DAPK1: variants seen among roughly 807,000 people sequenced by gnomAD.
DAPK1 encodes the protein death associated protein kinase 1, also known as death-associated protein kinase 1.
DAPK1 carries 56 observed loss-of-function variants against 144.9 expected under a neutral mutation model. That is an observed-to-expected ratio of 0.39 (90% confidence interval 0.31 to 0.48). DAPK1 has a LOEUF of 0.48. Among genes scored for constraint, DAPK1 ranks in the 20% least tolerant of loss-of-function variants. DAPK1 has a pLI of 0.95. For missense variants in DAPK1, 1,454 were observed against 1,875.4 expected (o/e 0.78, Z 4.15); for synonymous variants, 690 against 749.0 (o/e 0.92, Z 1.29).
chr9:87,635,672 C>T (rs1829869694), intron 3 of DAPK1, among the ~76,000 whole-genome samples: 1 of 152,182 alleles, frequency 6.6e-6, no homozygotes, highest in South Asian at 2.1e-4. Context: ...ACCCACGTGC[C>T]AGCCTTGCCA....
At chr9:87,605,268 A>G in intron 3 of DAPK1, 93 bp downstream of exon 3, 1 of 1,022,214 alleles carries the variant, frequency 9.8e-7, no homozygotes, top group Non-Finnish European at 1.5e-6. Flanking sequence ...CGAGCCCGAG[A>G]GAGGGATCAG....
At chr9:87,510,459 TG>T (rs1284388017) in intron 2 of DAPK1, among the ~76,000 whole-genome samples, 4 of 152,364 alleles carry the variant, frequency 2.6e-5, no homozygotes, top group Non-Finnish European at 5.9e-5. Flanking sequence ...CGGTTTCTCC[TG>T]GCAACCTCTC....
chr9:87,663,009 C>T (rs1164338034), intron 18 of DAPK1, among the ~76,000 whole-genome samples: 1 of 151,998 alleles, frequency 6.6e-6, no homozygotes, highest in African/African-American at 2.4e-5. Context: ...CGCCTTCCTC[C>T]TACCCTCCAG....
At chr9:87,545,698 A>T (rs1442046090) in intron 2 of DAPK1, among the ~76,000 whole-genome samples, 2 of 152,176 alleles carry the variant, frequency 1.3e-5, no homozygotes, top group East Asian at 3.9e-4. Flanking sequence ...GGCATGCACC[A>T]CCACACCTGG....
At chr9:87,660,775 C>A (rs1012442252) in intron 18 of DAPK1, among the ~76,000 whole-genome samples, 2 of 152,218 alleles carry the variant, frequency 1.3e-5, no homozygotes, top group Admixed American at 6.5e-5. Flanking sequence ...AGCATAACGG[C>A]CTCCATTTCC....
At chr9:87,589,941 G>T (rs956985185) in intron 2 of DAPK1, among the ~76,000 whole-genome samples, 1 of 152,074 alleles carries the variant, frequency 6.6e-6, no homozygotes, top group Non-Finnish European at 1.5e-5. Flanking sequence ...CACAGGCCTC[G>T]GTGACATCAA....
At chr9:87,548,950 C>CT (rs1385760745) in intron 2 of DAPK1, among the ~76,000 whole-genome samples, 2 of 44,336 alleles carry the variant, frequency 4.5e-5, no homozygotes, top group East Asian at 1.7e-3. Context: ...TGGCTTTTAA[C>CT]TTTTAAGTTC....
rs1275734544 is a variant in DAPK1 at position 87,707,136 on chromosome 9, C to T, written c.4065C>T (p.Pro1355=). The change falls in exon 26 of 26, where the codon CCC becomes CCT. Residue 1355 remains proline (P), a synonymous_variant. Coordinates refer to ENST00000408954, the MANE Select transcript of DAPK1 (RefSeq NM_004938.4). This position sits in a 1 kb window ranked among gnomAD's most constrained non-coding sequence, Gnocchi z 4.0. ...TSNGAPKDFL[P]SPLHALLREW... is the part of the protein sequence containing the mutation. ...ACGGGGCTCCCAAGGATTTCCTCCC[C>T]AGCCCCCTCCACGCCCTGCTGCGGG... The T allele has an allele frequency of 1.2e-6, 2 of 1,613,830 alleles. No homozygotes were observed. Among genetic ancestry groups the T allele is most frequent in the Non-Finnish European group, 1.7e-6 (2 of 1,179,754 alleles).
chr9:87,513,073 A>G (rs1278350601), intron 2 of DAPK1, among the ~76,000 whole-genome samples: 1 of 152,264 alleles, frequency 6.6e-6, no homozygotes, highest in Admixed American at 6.5e-5. Flanking sequence ...AATTGGGTCT[A>G]TAAGGTGAAT....
rs1206491538 is a variant in DAPK1, at chr9:87,643,462, T to C, written c.1005T>C (p.Asp335=). The C allele has an allele frequency of 2.5e-6, 4 of 1,604,134 alleles. No individual in the cohort carries two copies. The highest frequency in any genetic ancestry group is 3.4e-6 in the Non-Finnish European group (4 of 1,173,730). ...RSNMSVARSD[D]TLDEEDSFVM... is the part of the protein sequence containing the mutation. ...ACATGAGTGTTGCCAGAAGCGATGA[T>C]ACTCTGGTAAGCAAACCCGTGAGCC... Residue 335 remains aspartate (D), a synonymous_variant, in exon 11 of 26, where the codon GAT becomes GAC. Coordinates refer to ENST00000408954, the MANE Select transcript of DAPK1 (RefSeq NM_004938.4).
At chr9:87,608,165 T>C (rs1564020758) in intron 3 of DAPK1, among the ~76,000 whole-genome samples, 1 of 152,158 alleles carries the variant, frequency 6.6e-6, no homozygotes, top group Non-Finnish European at 1.5e-5. Flanking sequence ...GGAATTATAA[T>C]CCGACATGAG....
Position 87,703,127 on chromosome 9 carries a change from G to C in DAPK1, c.2970G>C (p.Gln990His), listed in dbSNP as rs751606871. Residue 990 changes from glutamine to histidine, a missense_variant, in exon 25 of 26, where the codon CAG (glutamine) becomes CAC (histidine). Around this residue, in one of 2 missense-constraint regions of DAPK1, gnomAD observed 1,025 missense variants for 1,237.9 expected, o/e 0.83. Coordinates refer to ENST00000408954, the MANE Select transcript of DAPK1 (RefSeq NM_004938.4). ...NGPNQLMSLQQFVYDVQDQLN... is the reference protein window; with the variant it reads ...NGPNQLMSLQHFVYDVQDQLN... ...CCAACCAGCTGATGTCGCTGCAGCA[G>C]TTTGTGTACGACGTGCAGGACCAGC... 6.2e-7 allele frequency: 1 copy of C among 1,608,626 alleles called. No homozygotes were observed. Among genetic ancestry groups the C allele is most frequent in the Admixed American group, 1.7e-5 (1 of 60,024 alleles).
chr9:87,683,097 T>TTC (rs1379588024), intron 20 of DAPK1, among the ~76,000 whole-genome samples: 4,463 of 151,252 alleles, frequency 0.03, 181 homozygotes, highest in East Asian at 0.14. Context: ...TTTTTTTTTT[T>TTC]TTTGAGATGG....
intron 3 of DAPK1, among the ~76,000 whole-genome samples, chr9:87,625,445 G>A (rs887730732): frequency 6.6e-6 from 1 of 152,218 alleles, no homozygotes; most frequent in African/African-American, 2.4e-5. Flanking sequence ...TGCCAGCATA[G>A]CATCACTAAA....
At position 87,703,137 on chromosome 9, in the gene DAPK1, G is replaced by T; in HGVS notation, c.2980G>T (p.Asp994Tyr). Residue 994 changes from aspartate (D) to tyrosine (Y), a missense_variant, in exon 25 of 26, where the codon GAC becomes TAC. Asp to Tyr is a radical substitution (Grantham distance 160). Transcript: ENST00000408954. ...QLMSLQQFVYDVQDQLNPLAS... is the reference protein window; with the variant it reads ...QLMSLQQFVYYVQDQLNPLAS... ...GATGTCGCTGCAGCAGTTTGTGTAC[G>T]ACGTGCAGGACCAGCTGAACCCCCT... is the stretch of plus-strand genomic sequence containing the variant. 6.2e-7 allele frequency: 1 copy of T among 1,609,570 alleles called. No individual in the cohort carries two copies. Among genetic ancestry groups the T allele is most frequent in the South Asian group, 1.1e-5 (1 of 91,002 alleles).
At chr9:87,602,521 C>T (rs1341777438) in intron 2 of DAPK1, among the ~76,000 whole-genome samples, 1 of 152,234 alleles carries the variant, frequency 6.6e-6, no homozygotes, top group African/African-American at 2.4e-5. Context: ...AATGGAGAAA[C>T]TTCCAATATA....
Position 87,499,020 on chromosome 9 carries a change from A to G in DAPK1, c.-58A>G. 2 of 1,448,870 alleles carry G rather than the reference A, an allele frequency of 1.4e-6. No homozygotes were observed. The highest frequency in any genetic ancestry group is 1.9e-6 in the Non-Finnish European group (2 of 1,031,004). The allele number at this position is 1,448,870 out of a possible 1,614,324, so 89.8% of individuals were successfully genotyped here. A position where few individuals can be genotyped will look rare whatever the true frequency, so the allele number is the denominator to read the frequency against. The stretch of plus-strand genomic sequence containing the variant: ...CTACGGAGGCGCAGGAGCGGTGGTG[A>G]TGGTCTGGGAAGCGGAGCTGAAGTG... On this transcript the variant is annotated 5_prime_UTR_variant, in exon 2 of 26. An upstream start codon of the reference 5' UTR is lost. Transcript: ENST00000408954.
chr9:87,651,411 T>G (rs1830438358), intron 16 of DAPK1, 116 bp from the exon 17 acceptor site: 1 of 987,662 alleles, frequency 1.0e-6, no homozygotes, highest in Non-Finnish European at 1.6e-6. Flanking sequence ...CACTAGGGCT[T>G]TTAGTAGTGA....
intron 3 of DAPK1, chr9:87,633,087 G>A (rs1829768359): frequency 1.0e-6 from 1 of 979,946 alleles, no homozygotes; most frequent in Admixed American, 6.2e-5. Context: ...ATATATGTAG[G>A]AATGAAGGAG....
Sources: gnomAD v4.1 joint callset for allele counts (sites outside exome capture counted in the v4.1 genomes callset) on GRCh38, gnomAD v4.1.1 for gene constraint, gnomAD v4.1.1 regional missense constraint, Gnocchi (gnomAD v3.1) non-coding constraint, MANE v1.5 for transcripts, NCBI Gene and HGNC (gene_info 2026-07-23, HGNC 2026-07-21) for gene names.